Variants in SAMD13 observed in about 807,000 individuals in gnomAD.
The protein encoded by SAMD13 is sterile alpha motif domain-containing protein 13.
A neutral mutation model predicts 12.4 loss-of-function variants in SAMD13; 9 were observed. The observed-to-expected ratio is 0.72, with a 90% CI of 0.44 to 1.26. The LOEUF (loss-of-function observed/expected upper bound fraction) is 1.26, where lower values mean the gene tolerates loss of function less well. SAMD13 is among the 50% of genes most tolerant of loss of function. The probability of loss-of-function intolerance (pLI) is 0.00; values close to 1 mark genes in which losing one functional copy is unlikely to be tolerated. For synonymous variants in SAMD13, 46 were observed against 45.4 expected (o/e 1.01, Z -0.05); for missense variants, 84 against 119.6 (o/e 0.70, Z 1.39).
chr1:84,307,171 A>G (rs1678598213), intron 2 of SAMD13, among the ~76,000 whole-genome samples: 1 of 152,140 alleles, frequency 6.6e-6, no homozygotes, highest in Non-Finnish European at 1.5e-5. Context: ...CTCCAATTTT[A>G]TGTGGATTTG....
chr1:84,348,956 C>T (rs556802628), intron 3 of SAMD13, among the ~76,000 whole-genome samples: 3 of 152,134 alleles, frequency 2.0e-5, no homozygotes, highest in Non-Finnish European at 4.4e-5. Flanking sequence ...GGAAAGTCTC[C>T]CAGAGGTTGA....
chr1:84,333,763 G>A (rs543747480), intron 3 of SAMD13, among the ~76,000 whole-genome samples: 1 of 152,160 alleles, frequency 6.6e-6, no homozygotes, highest in South Asian at 2.1e-4. Context: ...TTAACATGAA[G>A]GGATGTTGAA....
chr1:84,314,519 A>G (rs187259740), intron 2 of SAMD13, among the ~76,000 whole-genome samples: 1 of 152,246 alleles, frequency 6.6e-6, no homozygotes, highest in East Asian at 1.9e-4. Context: ...TTAGCTTGCT[A>G]GGTAGTTTCT....
intron 2 of SAMD13, among the ~76,000 whole-genome samples, chr1:84,307,410 C>T (rs1678602792): frequency 6.6e-6 from 1 of 152,178 alleles, no homozygotes; most frequent in African/African-American, 2.4e-5. Context: ...TCTTCCATGG[C>T]ACAACTTAAC....
chr1:84,329,717 T>G (rs1679133897), intron 3 of SAMD13, among the ~76,000 whole-genome samples: 1 of 152,238 alleles, frequency 6.6e-6, no homozygotes, highest in Non-Finnish European at 1.5e-5. Flanking sequence ...GGCAATCCTC[T>G]TTTGAGTCTT....
chr1:84,343,409 G>A (rs1360254878), intron 3 of SAMD13, among the ~76,000 whole-genome samples: 1 of 152,224 alleles, frequency 6.6e-6, no homozygotes, highest in African/African-American at 2.4e-5. Flanking sequence ...GCACATGTCT[G>A]TTCATTGCAG....
rs1679039304 is a variant in SAMD13, at chr1:84,325,567, C to A, written c.54-70C>A. On this transcript the variant is annotated intron_variant, in intron 2 of 3. Transcript: ENST00000394834. Reference sequence around the variant, plus strand: ...ACATGAAAGGCCTGTCCCAGAAGACCCATTTGTGAGCCTGGCCACACCCTT... The same window carrying A: ...ACATGAAAGGCCTGTCCCAGAAGACACATTTGTGAGCCTGGCCACACCCTT... The A allele has an allele frequency of 6.7e-6, 6 of 892,308 alleles. No individual in the cohort carries two copies. In the South Asian group the frequency reaches 6.9e-5, roughly 10 times the overall value. The allele number at this position is 892,308 out of a possible 1,614,324, so 55.3% of individuals were successfully genotyped here.
intron 3 of SAMD13, among the ~76,000 whole-genome samples, chr1:84,337,773 CA>C (rs1679332909): frequency 6.6e-6 from 1 of 152,212 alleles, no homozygotes; most frequent in South Asian, 2.1e-4. Context: ...TGTCAGGGTG[CA>C]AATTTTCTGA....
chr1:84,349,595 C>T lies in SAMD13; in HGVS notation c.166-36C>T, dbSNP rs1273639654. 4.4e-6 allele frequency: 7 copies of T among 1,594,182 alleles called. No individual in the cohort carries two copies. The Admixed American group carries it at 1.2e-4, about 28-fold the overall frequency. ...TCTTCATTATCCTTGAGCTTTTGGACTCACATGTTGGCTTTACCTTCTGCT... is the reference window on the plus strand; with the variant it reads ...TCTTCATTATCCTTGAGCTTTTGGATTCACATGTTGGCTTTACCTTCTGCT... On this transcript the variant is annotated intron_variant, in intron 3 of 3. Transcript: ENST00000394834.
chr1:84,348,806 A>T (rs1452195350), intron 3 of SAMD13, among the ~76,000 whole-genome samples: 1 of 151,992 alleles, frequency 6.6e-6, no homozygotes, highest in Non-Finnish European at 1.5e-5. Context: ...CAGGGAAGGG[A>T]TTTTCAGCTG....
At chr1:84,314,543 A>G (rs1678788204) in intron 2 of SAMD13, among the ~76,000 whole-genome samples, 1 of 152,104 alleles carries the variant, frequency 6.6e-6, no homozygotes, top group South Asian at 2.1e-4. Context: ...TGATCTCTCC[A>G]TCAGGCCCAG....
chr1:84,300,713 T>G (rs1678436829), upstream of SAMD13, among the ~76,000 whole-genome samples: 1 of 152,146 alleles, frequency 6.6e-6, no homozygotes, highest in South Asian at 2.1e-4. Context: ...ATGAGATTAT[T>G]CTCCTGGAAA....
chr1:84,318,713 G>A (rs1249930485), intron 2 of SAMD13, among the ~76,000 whole-genome samples: 1 of 151,978 alleles, frequency 6.6e-6, no homozygotes, highest in East Asian at 1.9e-4. Context: ...ACTTGTAAAT[G>A]GCACTATTTT....
At chr1:84,343,659 A>C (rs1212921663) in intron 3 of SAMD13, among the ~76,000 whole-genome samples, 1 of 152,126 alleles carries the variant, frequency 6.6e-6, no homozygotes, top group Non-Finnish European at 1.5e-5. Context: ...AAGAATGAGA[A>C]CACATCGACA....
At chr1:84,330,005 G>A (rs1242408573) in intron 3 of SAMD13, among the ~76,000 whole-genome samples, 1 of 152,158 alleles carries the variant, frequency 6.6e-6, no homozygotes, top group East Asian at 1.9e-4. Flanking sequence ...AGTGATTACA[G>A]CCTTGTCAGT....
chr1:84,312,897 G>T (rs1400219804), intron 2 of SAMD13, among the ~76,000 whole-genome samples: 2 of 152,028 alleles, frequency 1.3e-5, no homozygotes, highest in Non-Finnish European at 2.9e-5. Context: ...CTTGCATCAG[G>T]GGAAATGTTA....
At chr1:84,330,632 C>G (rs1570250101) in intron 3 of SAMD13, among the ~76,000 whole-genome samples, 1 of 152,258 alleles carries the variant, frequency 6.6e-6, no homozygotes, top group African/African-American at 2.4e-5. Flanking sequence ...CTGTGGCAAT[C>G]TAGTACAGTA....
chr1:84,299,511 C>A, upstream of SAMD13: 1 of 992,740 alleles, frequency 1.0e-6, no homozygotes, highest in Non-Finnish European at 1.4e-6. Context: ...CACACCCCCA[C>A]ATACGTACCA....
intron 2 of SAMD13, among the ~76,000 whole-genome samples, chr1:84,305,765 C>T (rs1678554796): frequency 6.6e-6 from 1 of 152,138 alleles, no homozygotes; most frequent in African/African-American, 2.4e-5. Flanking sequence ...CACCTCTGTT[C>T]AAACACTTCT....
Sources: allele counts gnomAD v4.1 joint callset (sites outside exome capture counted in the v4.1 genomes callset), GRCh38; gene constraint gnomAD v4.1.1; transcripts MANE v1.5; gene names NCBI Gene and HGNC (gene_info 2026-07-23, HGNC 2026-07-21).